Variants in ARHGAP10 observed in about 807,000 individuals in gnomAD.
The protein encoded by ARHGAP10 is rho GTPase-activating protein 10.
ARHGAP10 carries 87 observed loss-of-function variants against 108.6 expected under a neutral mutation model. That is an observed-to-expected ratio of 0.80 (90% confidence interval 0.67 to 0.96). ARHGAP10 has a LOEUF of 0.96. Ranked by LOEUF, ARHGAP10 falls within the 40% of genes least tolerant of loss-of-function variation. The pLI, the probability that ARHGAP10 is intolerant of heterozygous loss-of-function variation, is 0.00. For missense variants in ARHGAP10, 939 were observed against 954.5 expected (o/e 0.98, Z 0.21); for synonymous variants, 347 against 341.1 (o/e 1.02, Z -0.19).
chr4:147,859,908 A>G (rs1734244460), intron 5 of ARHGAP10, among the ~76,000 whole-genome samples: 1 of 152,214 alleles, frequency 6.6e-6, no homozygotes, highest in Non-Finnish European at 1.5e-5. Flanking sequence ...GCTTTTTACA[A>G]ACTTACATGC....
At chr4:148,005,793 TGA>T (rs2149649605) in intron 18 of ARHGAP10, among the ~76,000 whole-genome samples, 1 of 152,366 alleles carries the variant, frequency 6.6e-6, no homozygotes, top group South Asian at 2.1e-4. Flanking sequence ...CGTGAAGCAG[TGA>T]GAGAAGTATT....
chr4:147,942,196 ATT>A (rs1208852526), intron 14 of ARHGAP10, among the ~76,000 whole-genome samples: 2 of 152,052 alleles, frequency 1.3e-5, no homozygotes, highest in African/African-American at 4.8e-5. Flanking sequence ...TCAAATTTGA[ATT>A]TTTTCAAGGA....
intron 13 of ARHGAP10, chr4:147,917,135 G>A (rs916433629): frequency 1.3e-5 from 2 of 152,194 alleles, no homozygotes; most frequent in African/African-American, 4.8e-5. Context: ...TGATTCAGGA[G>A]TAGGATAGCT....
chr4:147,941,146 A>G (rs755835004), intron 14 of ARHGAP10, among the ~76,000 whole-genome samples: 1 of 152,220 alleles, frequency 6.6e-6, no homozygotes, highest in Non-Finnish European at 1.5e-5. Context: ...TGGTGTTATG[A>G]TGATTAGAAC....
chr4:147,946,514 A>G, intron 14 of ARHGAP10, 103 bp from the exon 15 acceptor site: 1 of 811,166 alleles, frequency 1.2e-6, no homozygotes, highest in South Asian at 1.8e-5. Context: ...AAACTGCAGG[A>G]TTGTGGTTTG....
intron 1 of ARHGAP10, among the ~76,000 whole-genome samples, chr4:147,750,524 C>T (rs1729095412): frequency 6.6e-6 from 1 of 151,914 alleles, no homozygotes; most frequent in South Asian, 2.1e-4. Flanking sequence ...AGTCATCACC[C>T]AACCTATTTG....
chr4:147,968,182 G>A lies in ARHGAP10; in HGVS notation c.1716+1343G>A, dbSNP rs116330399. 7.2e-3 allele frequency among the ~76,000 whole-genome samples: 1,100 copies of A among 152,108 alleles called. 19 individuals are homozygous for A. Among genetic ancestry groups the A allele is most frequent in the African/African-American group, 0.026 (1,061 of 41,500 alleles). ...TGAGATAATCTATGGGGGAACATAA[G>A]GAAAAAATGGTTTTAGGATGCTTTC... On this transcript the variant is annotated intron_variant, in intron 18 of 22. Coordinates refer to ENST00000336498, the MANE Select transcript of ARHGAP10 (RefSeq NM_024605.4).
chr4:147,793,528 C>T (rs530778177), intron 1 of ARHGAP10, among the ~76,000 whole-genome samples: 3 of 152,148 alleles, frequency 2.0e-5, no homozygotes, highest in African/African-American at 7.2e-5. Context: ...TGGGATCTCC[C>T]CGCATAGCTA....
intron 16 of ARHGAP10, among the ~76,000 whole-genome samples, chr4:147,958,670 G>T (rs1738878686): frequency 6.6e-6 from 1 of 152,194 alleles, no homozygotes; most frequent in Non-Finnish European, 1.5e-5. Flanking sequence ...CAGGAGAAAT[G>T]CAACACTTGA....
At chr4:147,774,231 A>G (rs1159949290) in intron 1 of ARHGAP10, among the ~76,000 whole-genome samples, 1 of 152,208 alleles carries the variant, frequency 6.6e-6, no homozygotes, top group Admixed American at 6.5e-5. Flanking sequence ...TGTTCAGACC[A>G]AGTTGATATC....
intron 13 of ARHGAP10, among the ~76,000 whole-genome samples, chr4:147,916,283 T>C (rs1053289733): frequency 2.0e-5 from 3 of 152,240 alleles, no homozygotes; most frequent in African/African-American, 7.2e-5. Flanking sequence ...TTCATGTCTT[T>C]CTGTTTTTGA....
chr4:147,934,654 T>C (rs915513351), intron 13 of ARHGAP10, among the ~76,000 whole-genome samples: 1 of 152,078 alleles, frequency 6.6e-6, no homozygotes, highest in African/African-American at 2.4e-5. Context: ...CCAGGCAACA[T>C]AGTGAGACCC....
chr4:148,016,346 G>A (rs978730433), intron 18 of ARHGAP10, among the ~76,000 whole-genome samples: 9 of 151,982 alleles, frequency 5.9e-5, no homozygotes, highest in East Asian at 1.9e-4. Context: ...CTACAAAAAC[G>A]TTAAAAATTA....
intron 1 of ARHGAP10, among the ~76,000 whole-genome samples, chr4:147,750,549 A>C (rs933876043): frequency 1.3e-5 from 2 of 152,038 alleles, no homozygotes; most frequent in African/African-American, 4.8e-5. Context: ...GTGTGCATTA[A>C]TATCCGTTTT....
Position 147,732,366 on chromosome 4 carries a change from T to A in ARHGAP10, c.65T>A (p.Ile22Asn). The A allele has an allele frequency of 3.1e-6, 5 of 1,613,296 alleles. No homozygotes were observed. Among genetic ancestry groups the A allele is most frequent in the Non-Finnish European group, 4.2e-6 (5 of 1,179,602 alleles). The change falls in exon 1 of 23, where the codon ATC becomes AAC. Residue 22 changes from isoleucine (I) to asparagine (N), a missense_variant. By Grantham distance (149) the Ile-to-Asn change is moderately radical (BLOSUM62 -3). Transcript: ENST00000336498. ...GACAGCCCGTGGTTCCGGGAGAGGA[T>A]CCGCGCTCACGAAGCGGAACTCGAG... ...YLDSPWFRER[I>N]RAHEAELERT...
At position 147,968,804 on chromosome 4, in the gene ARHGAP10, A is replaced by G. The variant is rs1468443939; in HGVS notation, c.1716+1965A>G. ...TTGTTTATTAAAAAGATTTTTTTAA[A>G]TTGAGATTGCATCATATGCCAGACA... On this transcript the variant is annotated intron_variant, in intron 18 of 22. Transcript: ENST00000336498. 2.0e-5 allele frequency among the ~76,000 whole-genome samples: 3 copies of G among 152,296 alleles called. No homozygotes were observed. In the East Asian group the frequency reaches 5.8e-4, roughly 29 times the overall value.
At chr4:148,014,589 G>C (rs914204597) in intron 18 of ARHGAP10, among the ~76,000 whole-genome samples, 23 of 152,166 alleles carry the variant, frequency 1.5e-4, no homozygotes, top group African/African-American at 4.6e-4. Context: ...TCCTTCTGTT[G>C]GTCTTTGTGA....
intron 1 of ARHGAP10, among the ~76,000 whole-genome samples, chr4:147,785,794 G>T (rs1271639006): frequency 6.6e-6 from 1 of 152,108 alleles, no homozygotes; most frequent in Non-Finnish European, 1.5e-5. Flanking sequence ...TGTACTCTGA[G>T]ATTTTAATAT....
intron 10 of ARHGAP10, among the ~76,000 whole-genome samples, chr4:147,906,153 T>C (rs1207620600): frequency 6.6e-6 from 1 of 152,204 alleles, no homozygotes; most frequent in Non-Finnish European, 1.5e-5. Context: ...CATATGTATA[T>C]TCCATATGAA....
Sources: gnomAD v4.1 joint callset for allele counts (sites outside exome capture counted in the v4.1 genomes callset) on GRCh38, gnomAD v4.1.1 for gene constraint, MANE v1.5 for transcripts, NCBI Gene and HGNC (gene_info 2026-07-23, HGNC 2026-07-21) for gene names.